Variants in WDR18 observed in about 807,000 individuals in gnomAD.
The protein encoded by WDR18 is WD repeat-containing protein 18.
Under a neutral mutation model 49.6 loss-of-function variants are expected in WDR18, and 33 were observed. The observed-to-expected ratio is 0.67, with a 90% CI of 0.50 to 0.89. The LOEUF (loss-of-function observed/expected upper bound fraction) is 0.89. Ranked by LOEUF, WDR18 falls within the 40% of genes least tolerant of loss-of-function variation. The probability of loss-of-function intolerance (pLI) is 0.00; values close to 1 mark genes in which losing one functional copy is unlikely to be tolerated. For missense variants in WDR18, 653 were observed against 593.6 expected (o/e 1.10, Z -1.04); for synonymous variants, 315 against 263.6 (o/e 1.19, Z -1.89).
At chr19:983,885 A>G (rs1322848331), upstream of WDR18, among the ~76,000 whole-genome samples, 1 of 152,054 alleles carries the variant, frequency 6.6e-6, no homozygotes, top group Non-Finnish European at 1.5e-5. Context: ...ACAAAACTAA[A>G]TAAATAAGGA....
intron 3 of WDR18, 114 bp downstream of exon 3, chr19:990,009 A>C (rs2038522672): frequency 6.8e-7 from 1 of 1,473,316 alleles, no homozygotes. Context: ...GCTGGAGTGC[A>C]GAGGACGGAG....
chr19:991,517 C>T, intron 7 of WDR18, among the ~76,000 whole-genome samples, 166 bp downstream of exon 7: 1 of 68,474 alleles, frequency 1.5e-5, no homozygotes, highest in African/African-American at 5.7e-5. Context: ...AGTGGACTGG[C>T]TGTGGGGCGT....
intron 2 of WDR18, among the ~76,000 whole-genome samples, chr19:988,964 G>GA (rs2038504861): frequency 6.7e-6 from 1 of 148,424 alleles, no homozygotes; most frequent in Admixed American, 6.7e-5. Flanking sequence ...CTTTTGGGGG[G>GA]AAACACGATT....
chr19:989,231 C>A lies in WDR18; in HGVS notation c.322-531C>A, dbSNP rs573224818. Among the ~76,000 whole-genome samples, 13 of 151,282 alleles carry A rather than the reference C, an allele frequency of 8.6e-5. No individual in the cohort carries two copies. The South Asian group carries it at 1.0e-3, about 12-fold the overall frequency. On this transcript the variant is annotated intron_variant, in intron 2 of 9. Coordinates refer to ENST00000585809, the MANE Select transcript of WDR18 (RefSeq NM_024100.4). Reference sequence around the variant, plus strand: ...CATCTCAGCCCTCGAACCCACAACCCCCACCAGAGCATCTCAGCCCTCCCC... The same window carrying A: ...CATCTCAGCCCTCGAACCCACAACCACCACCAGAGCATCTCAGCCCTCCCC...
At chr19:984,218 C>G (rs8112598), upstream of WDR18, 135 of 919,966 alleles carry the variant, frequency 1.5e-4, no homozygotes, top group Middle Eastern at 3.5e-4. Flanking sequence ...ACAAGAAAGC[C>G]CCTCTCTCCG....
intron 2 of WDR18, among the ~76,000 whole-genome samples, chr19:989,015 C>T (rs2038506209): frequency 1.6e-5 from 2 of 128,542 alleles, no homozygotes; most frequent in South Asian, 2.7e-4. Flanking sequence ...CTCTCGAATC[C>T]ACAACCCCCC....
rs1363716549 is a variant in WDR18, at chr19:991,862, G to T, written c.932-93G>T. The T allele has an allele frequency of 3.7e-6, 5 of 1,340,960 alleles. No individual in the cohort carries two copies. The African/African-American group carries it at 8.1e-5, about 22-fold the overall frequency. The allele number at this position is 1,340,960 out of a possible 1,614,324, so 83.1% of individuals were successfully genotyped here. A position where few individuals can be genotyped will look rare whatever the true frequency, so the allele number is the denominator to read the frequency against. On this transcript the variant is annotated intron_variant, in intron 7 of 9. Transcript: ENST00000585809. ...TGGCTGTGGGGCGGGGACTGGCTGGGGGCGGGGACTGCCCTGGATGGGGCG... is the reference window on the plus strand; with the variant it reads ...TGGCTGTGGGGCGGGGACTGGCTGGTGGCGGGGACTGCCCTGGATGGGGCG...
At chr19:989,354 C>A (rs550161707) in intron 2 of WDR18, among the ~76,000 whole-genome samples, 5 of 152,280 alleles carry the variant, frequency 3.3e-5, no homozygotes, top group Non-Finnish European at 5.9e-5. Context: ...CAGGCCACCA[C>A]AGCCTGCCCA....
chr19:989,200 C>G (rs1471340894), intron 2 of WDR18, among the ~76,000 whole-genome samples: 8 of 141,358 alleles, frequency 5.7e-5, no homozygotes, highest in African/African-American at 1.9e-4. Context: ...ACAACCCCCC[C>G]CAGAGCATCT....
At position 987,829 on chromosome 19, in the gene WDR18, G is replaced by GTTTTTTTTTTTTTTTTTTT. The variant is rs71174337; in HGVS notation, c.321+1859_321+1877dup. Among the ~76,000 whole-genome samples the GTTTTTTTTTTTTTTTTTTT allele has an allele frequency of 1.1e-3, 104 of 91,796 alleles. 20 individuals carry two copies. Among genetic ancestry groups the GTTTTTTTTTTTTTTTTTTT allele is most frequent in the East Asian group, 3.3e-3 (9 of 2,730 alleles). The allele number at this position is 91,796 out of a possible 152,430, so 60.2% of individuals were successfully genotyped here. ...ACCCCTGCTCCCCTAGCCGCCTCCA[G>GTTTTTTTTTTTTTTTTTTT]TTTTTTTTTTTTTTTTTTTTTTTCA... On this transcript the variant is annotated intron_variant, in intron 2 of 9. Transcript: ENST00000585809.
At chr19:986,191 G>A (rs1339036488) in intron 2 of WDR18, among the ~76,000 whole-genome samples, 1 of 152,206 alleles carries the variant, frequency 6.6e-6, no homozygotes, top group Non-Finnish European at 1.5e-5. Flanking sequence ...TGAGTGCTTG[G>A]ATAGAGCCCG....
rs752189547 is a variant in WDR18, at chr19:989,754, C to T, written c.322-8C>T. The T allele has an allele frequency of 1.9e-6, 3 of 1,612,548 alleles. No homozygotes were observed. In the South Asian group the frequency reaches 3.3e-5, roughly 18 times the overall value. ...TCCCCTGACCTGGATACCCTCTGCC[C>T]CTCACAGGTCTCCACCGGGAACCTT... On this transcript the variant is annotated splice_polypyrimidine_tract_variant and splice_region_variant and intron_variant, in intron 2 of 9. Transcript: ENST00000585809.
intron 7 of WDR18, 102 bp from the exon 8 acceptor site, chr19:991,852 GA>G (rs2038559037): frequency 1.6e-5 from 20 of 1,263,300 alleles, no homozygotes; most frequent in Non-Finnish European, 2.0e-5. Flanking sequence ...GTGGGGCGGG[GA>G]CTGGCTGGGG....
In WDR18 at chr19:991,193, G is replaced by C. The variant is rs540020951; in HGVS notation, c.807-34G>C. On this transcript the variant is annotated intron_variant, in intron 6 of 9. Transcript: ENST00000585809. ...GGGGCTCCCAGGCACGTCCTGTCTG[G>C]CACGTCCCAGGTGACCCCTGTCTGT... 9.1e-5 allele frequency: 127 copies of C among 1,394,510 alleles called. No homozygotes were observed. The African/African-American group carries it at 2.5e-3, about 28-fold the overall frequency. 86.4% of individuals were successfully genotyped at this position (1,394,510 alleles called of 1,614,324 possible).
At chr19:990,762 C>T (rs540245511) in intron 4 of WDR18, 90 bp from the exon 5 acceptor site, 13 of 1,497,258 alleles carry the variant, frequency 8.7e-6, no homozygotes, top group Non-Finnish European at 1.2e-5. Context: ...AGAGGACAGC[C>T]GACGCCTGAC....
Position 984,453 on chromosome 19 carries a change from T to A in WDR18, c.100T>A (p.Tyr34Asn). 1 of 1,595,086 alleles carries A rather than the reference T, an allele frequency of 6.3e-7. No homozygotes were observed. Among genetic ancestry groups the A allele is most frequent in the Non-Finnish European group, 8.5e-7 (1 of 1,172,510 alleles). ...ELHSGANLLTYRGGQAGPRGL... is the reference protein window; with the variant it reads ...ELHSGANLLTNRGGQAGPRGL... ...TCACTCGGGCGCCAACCTGCTCACC[T>A]ACCGCGGCGGCCAGGCGGGACCCCG... Residue 34 changes from tyrosine to asparagine, a missense_variant, in exon 1 of 10, where the codon TAC becomes AAC. Transcript: ENST00000585809.
At chr19:991,881 T>A in intron 7 of WDR18, 74 bp from the exon 8 acceptor site, 3 of 1,264,182 alleles carry the variant, frequency 2.4e-6, no homozygotes, top group Non-Finnish European at 2.9e-6. Context: ...CTGCCCTGGA[T>A]GGGGCGGAAC....
Position 991,983 on chromosome 19 carries a change from GGCGCCCGTCAGCAT to G in WDR18, c.963_976del (p.Pro322GlufsTer172). The G allele has an allele frequency of 6.3e-7, 1 of 1,595,608 alleles. No individual in the cohort carries two copies. Among genetic ancestry groups the G allele is most frequent in the South Asian group, 1.1e-5 (1 of 90,026 alleles). ...CAGTCACCAATGCCGCCATCCTGCT[GGCGCCCGTCAGCAT>G]GCTGAGCTCAGACTTCAGGCCCAGC... is the stretch of plus-strand genomic sequence containing the variant. On this transcript the variant is annotated frameshift_variant, in exon 8 of 10. Coordinates refer to ENST00000585809, the MANE Select transcript of WDR18 (RefSeq NM_024100.4). LOFTEE classifies it high-confidence loss of function.
In WDR18 at chr19:984,449, C is replaced by T; in HGVS notation, c.96C>T (p.Leu32=). 6.3e-7 allele frequency: 1 copy of T among 1,597,504 alleles called. No homozygotes were observed. The change falls in exon 1 of 10, where the codon CTC becomes CTT. Residue 32 remains leucine (L), a synonymous_variant. Transcript: ENST00000585809. ...AACTTCACTCGGGCGCCAACCTGCT[C>T]ACCTACCGCGGCGGCCAGGCGGGAC... is the stretch of plus-strand genomic sequence containing the variant. The part of the protein sequence containing the change: ...VWELHSGANL[L]TYRGGQAGPR...
Sources: allele counts gnomAD v4.1 joint callset (sites outside exome capture counted in the v4.1 genomes callset), GRCh38; gene constraint gnomAD v4.1.1; transcripts MANE v1.5; gene names NCBI Gene and HGNC (gene_info 2026-07-23, HGNC 2026-07-21).